The following TRPM1 variants were observed in gnomAD, a reference collection of about 807,000 sequenced individuals.
The protein encoded by TRPM1 is TRPM1-203 APA Isoform, Intron 10.
In TRPM1, 113 loss-of-function variants were observed where a neutral mutation model predicts 149.4. That is an observed-to-expected ratio of 0.76 (90% confidence interval 0.65 to 0.88). The LOEUF (loss-of-function observed/expected upper bound fraction) is 0.88. Among genes scored for constraint, TRPM1 ranks in the 40% least tolerant of loss-of-function variants. TRPM1 has a pLI of 0.00. For missense variants in TRPM1, 1,976 were observed against 2,038.7 expected, an observed-to-expected ratio of 0.97 and a Z score of 0.59; for synonymous variants, 741 against 759.5, an observed-to-expected ratio of 0.98 and a Z score of 0.40.
At chr15:31,121,542 C>T (rs1366957530) in intron 1 of TRPM1, among the ~76,000 whole-genome samples, 1 of 152,094 alleles carries the variant, frequency 6.6e-6, no homozygotes, top group Non-Finnish European at 1.5e-5. Context: ...ATAACATGAA[C>T]AAATTTGTGT....
chr15:31,063,097 C>G (rs1482270457), intron 8 of TRPM1, 21 bp downstream of exon 8: 2 of 1,614,070 alleles, frequency 1.2e-6, no homozygotes, highest in African/African-American at 2.7e-5. Flanking sequence ...CCCGCCCTTC[C>G]TCGCGCGTCA....
rs149354825 is a variant in TRPM1, at chr15:31,096,927, G to A, written c.-84+4730C>T. Among the ~76,000 whole-genome samples the A allele has an allele frequency of 1.0e-3, 156 of 152,330 alleles. 2 individuals are homozygous for A. Among genetic ancestry groups the A allele is most frequent in the Middle Eastern group, 3.4e-3 (1 of 294 alleles). ...CCACCAGGGTGGGGAAAGGGTGCAC[G>A]CCAGCAGGAGTGAGGGGTAGGCGGG... On this transcript the variant is annotated intron_variant, in intron 1 of 27. Coordinates refer to ENST00000256552, the MANE Select transcript of TRPM1 (RefSeq NM_001252024.2).
chr15:31,072,016 TATAGAGAG>T (rs1340783718), intron 3 of TRPM1, among the ~76,000 whole-genome samples: 63 of 30,672 alleles, frequency 2.1e-3, no homozygotes, highest in Non-Finnish European at 2.9e-3. Context: ...TATATATATA[TATAGAGAG>T]AGAGAGAGAG....
At chr15:31,089,581 C>T (rs2035164934) in intron 1 of TRPM1, among the ~76,000 whole-genome samples, 1 of 152,182 alleles carries the variant, frequency 6.6e-6, no homozygotes, top group Non-Finnish European at 1.5e-5. Flanking sequence ...ACCGTTTGCT[C>T]TGTAACTCGA....
chr15:31,157,826 T>C (rs867867797), intron 1 of TRPM1, among the ~76,000 whole-genome samples: 3 of 152,260 alleles, frequency 2.0e-5, no homozygotes, highest in Middle Eastern at 3.4e-3. Flanking sequence ...CTTGTACAAA[T>C]AGAGGGCCAG....
intron 1 of TRPM1, among the ~76,000 whole-genome samples, chr15:31,086,476 C>T (rs187405360): frequency 6.6e-6 from 1 of 152,234 alleles, no homozygotes; most frequent in African/African-American, 2.4e-5. Context: ...AGGCACAGCC[C>T]GGGCTTTTTG....
intron 22 of TRPM1, 79 bp from the exon 23 acceptor site, chr15:31,031,236 C>A: frequency 1.3e-6 from 2 of 1,488,562 alleles, no homozygotes; most frequent in Non-Finnish European, 1.9e-6. Context: ...TTGCTGTCTC[C>A]AATTAAGCAC....
intron 11 of TRPM1, among the ~76,000 whole-genome samples, chr15:31,058,557 A>G (rs1027864339): frequency 1.3e-5 from 2 of 152,220 alleles, no homozygotes; most frequent in East Asian, 1.9e-4. Flanking sequence ...AATGATGATT[A>G]AAGAGTAAGA....
At chr15:31,149,067 C>T (rs1430007532) in intron 1 of TRPM1, among the ~76,000 whole-genome samples, 2 of 152,180 alleles carry the variant, frequency 1.3e-5, no homozygotes, top group Non-Finnish European at 2.9e-5. Context: ...ATGTGAGATG[C>T]CGTGACCAAC....
At chr15:31,113,116 T>C (rs77407880) in intron 1 of TRPM1, among the ~76,000 whole-genome samples, 225 of 152,238 alleles carry the variant, frequency 1.5e-3, no homozygotes, top group African/African-American at 5.1e-3. Context: ...TGGCTTTAGG[T>C]AGCTAAGATC....
chr15:31,105,816 G>C (rs138612032), upstream of TRPM1, among the ~76,000 whole-genome samples: 2 of 152,066 alleles, frequency 1.3e-5, no homozygotes, highest in Non-Finnish European at 2.9e-5. Flanking sequence ...CAGCGAGTTC[G>C]GGGAACACAG....
At chr15:31,116,097 T>C (rs551490654) in intron 1 of TRPM1, among the ~76,000 whole-genome samples, 1 of 152,268 alleles carries the variant, frequency 6.6e-6, no homozygotes, top group African/African-American at 2.4e-5. Context: ...TTCAATAATT[T>C]TGGCAGGGAC....
chr15:31,150,844 G>C (rs1239969980), intron 1 of TRPM1, among the ~76,000 whole-genome samples: 18 of 152,116 alleles, frequency 1.2e-4, no homozygotes, highest in Admixed American at 1.1e-3. Flanking sequence ...GTCTACACAG[G>C]TGACTTGCCC....
chr15:31,052,366 C>G (rs2033968934), intron 11 of TRPM1, among the ~76,000 whole-genome samples: 1 of 152,176 alleles, frequency 6.6e-6, no homozygotes, highest in African/African-American at 2.4e-5. Flanking sequence ...ACAAATGGTG[C>G]TGGGAAAACT....
chr15:31,098,831 C>T (rs897774096), intron 1 of TRPM1, among the ~76,000 whole-genome samples: 3 of 151,502 alleles, frequency 2.0e-5, no homozygotes, highest in Non-Finnish European at 4.4e-5. Flanking sequence ...CAGGGGCAGA[C>T]AGGGGGCCAG....
In TRPM1 at chr15:31,002,389, CA is replaced by C; in HGVS notation, c.4310del (p.Leu1437ArgfsTer21). On this transcript the variant is annotated frameshift_variant, in exon 28 of 28. Transcript: ENST00000256552. LOFTEE classifies it low-confidence loss of function (END_TRUNC). ...AATAGCGTGTAATTTTGGTTTCTTC[CA>C]GGGGATAGGAAATAGTGCCTTCTAT... ...TNIEGTISYP[L>X]EETKITRYFP... 1 of 1,614,200 alleles carries C rather than the reference CA, an allele frequency of 6.2e-7. No homozygotes were observed.
At chr15:31,047,632 C>A (rs529250854) in intron 14 of TRPM1, among the ~76,000 whole-genome samples, 3 of 152,308 alleles carry the variant, frequency 2.0e-5, no homozygotes, top group South Asian at 2.1e-4. Flanking sequence ...ACCCAGTGGC[C>A]GCCCTGGCCT....
intron 27 of TRPM1, among the ~76,000 whole-genome samples, chr15:31,004,436 G>GTT (rs61563077): frequency 1.4e-5 from 2 of 147,850 alleles, no homozygotes; most frequent in African/African-American, 5.0e-5. Context: ...ACCTCCCAGA[G>GTT]TTTTTTTTTT....
intron 1 of TRPM1, among the ~76,000 whole-genome samples, chr15:31,144,006 T>C (rs781373542): frequency 3.5e-4 from 54 of 152,216 alleles, no homozygotes; most frequent in South Asian, 4.1e-4. Context: ...AGAATACGTA[T>C]GGAATGTTAG....
Sources: allele counts gnomAD v4.1 joint callset (sites outside exome capture counted in the v4.1 genomes callset), GRCh38; gene constraint gnomAD v4.1.1; transcripts MANE v1.5; gene names NCBI Gene and HGNC (gene_info 2026-07-23, HGNC 2026-07-21).